Variants in FRMD5 observed in about 807,000 individuals in gnomAD.
FRMD5 encodes FERM domain-containing protein 5.
A neutral mutation model predicts 69.0 loss-of-function variants in FRMD5; 20 were observed. The ratio of observed to expected loss-of-function variants is 0.29; its 90% CI spans 0.20 to 0.42. FRMD5 has a LOEUF of 0.42. Ranked by LOEUF, FRMD5 falls within the 10% of genes least tolerant of loss-of-function variation. FRMD5 has a pLI of 1.00. For missense variants in FRMD5, 595 were observed against 708.6 expected (o/e 0.84, Z 1.82); for synonymous variants, 271 against 260.1 (o/e 1.04, Z -0.40).
At chr15:43,936,571 C>G (rs1212217626) in intron 1 of FRMD5, among the ~76,000 whole-genome samples, 2 of 152,128 alleles carry the variant, frequency 1.3e-5, no homozygotes, top group African/African-American at 4.8e-5. Flanking sequence ...GAGTCTTCAA[C>G]TCCTAATACC....
chr15:44,187,767 C>G (rs895252658), intron 1 of FRMD5, among the ~76,000 whole-genome samples: 1 of 152,068 alleles, frequency 6.6e-6, no homozygotes, highest in African/African-American at 2.4e-5. Flanking sequence ...CAAGGTCTTG[C>G]TATGTTGCCC....
At chr15:44,180,232 T>C (rs752904596) in intron 1 of FRMD5, among the ~76,000 whole-genome samples, 12 of 152,088 alleles carry the variant, frequency 7.9e-5, no homozygotes, top group Non-Finnish European at 1.8e-4. Flanking sequence ...TTTTATCTTA[T>C]AGATAAGATT....
intron 1 of FRMD5, among the ~76,000 whole-genome samples, chr15:43,947,211 C>G (rs2089961198): frequency 6.6e-6 from 1 of 152,184 alleles, no homozygotes; most frequent in African/African-American, 2.4e-5. Flanking sequence ...TTTTAGCCAG[C>G]ATTACACAGC....
intron 1 of FRMD5, among the ~76,000 whole-genome samples, chr15:44,003,538 C>T (rs1385478651): frequency 6.6e-6 from 1 of 152,154 alleles, no homozygotes; most frequent in African/African-American, 2.4e-5. Flanking sequence ...CTCCCTTCAT[C>T]ATCCTACTTT....
chr15:44,078,235 T>G (rs541696786), intron 1 of FRMD5, among the ~76,000 whole-genome samples: 2 of 152,282 alleles, frequency 1.3e-5, no homozygotes, highest in Non-Finnish European at 2.9e-5. Flanking sequence ...TTCTTTATCC[T>G]GTAATCTTTT....
chr15:44,184,481 GTACACA>G (rs2078065831), intron 1 of FRMD5, among the ~76,000 whole-genome samples: 1 of 152,132 alleles, frequency 6.6e-6, no homozygotes, highest in African/African-American at 2.4e-5. Context: ...TGAACTTAAA[GTACACA>G]TATCACATTA....
chr15:43,899,171 C>G (rs561237046), intron 7 of FRMD5, among the ~76,000 whole-genome samples: 4 of 152,216 alleles, frequency 2.6e-5, no homozygotes, highest in Non-Finnish European at 5.9e-5. Context: ...CTTGTAGCAG[C>G]ATTAAGGCGA....
intron 1 of FRMD5, among the ~76,000 whole-genome samples, chr15:44,059,441 T>C (rs1893001870): frequency 6.6e-6 from 1 of 152,230 alleles, no homozygotes; most frequent in South Asian, 2.1e-4. Context: ...ATATGCTGGA[T>C]AATAAATACA....
At chr15:44,150,754 G>A (rs1433552096) in intron 1 of FRMD5, among the ~76,000 whole-genome samples, 1 of 151,760 alleles carries the variant, frequency 6.6e-6, no homozygotes, top group African/African-American at 2.4e-5. Flanking sequence ...TCACACCACT[G>A]TACTTTAGCC....
chr15:44,011,846 C>T (rs1890735566), intron 1 of FRMD5, among the ~76,000 whole-genome samples: 1 of 152,130 alleles, frequency 6.6e-6, no homozygotes, highest in Admixed American at 6.5e-5. Context: ...ACAGAAAATG[C>T]TACCCAGAGG....
intron 1 of FRMD5, among the ~76,000 whole-genome samples, chr15:44,149,777 G>A (rs918630666): frequency 1.3e-5 from 2 of 152,050 alleles, no homozygotes; most frequent in Non-Finnish European, 2.9e-5. Flanking sequence ...ATGAAAGGAG[G>A]TAGAGACAGT....
intron 1 of FRMD5, among the ~76,000 whole-genome samples, chr15:44,032,045 C>T (rs1202341602): frequency 6.6e-6 from 1 of 152,120 alleles, no homozygotes; most frequent in East Asian, 1.9e-4. Context: ...AGGAATAAGG[C>T]TGCACATCTA....
chr15:44,038,799 C>T (rs904001438), intron 1 of FRMD5, among the ~76,000 whole-genome samples: 20 of 151,944 alleles, frequency 1.3e-4, no homozygotes, highest in Non-Finnish European at 2.2e-4. Context: ...AGAGACTGTA[C>T]CGGGAGGAAC....
chr15:44,001,215 T>C (rs1262941186), intron 1 of FRMD5, among the ~76,000 whole-genome samples: 1 of 152,226 alleles, frequency 6.6e-6, no homozygotes, highest in Non-Finnish European at 1.5e-5. Flanking sequence ...CTTGGAGAAA[T>C]GTCTATTCAG....
At chr15:44,188,790 G>A (rs772681565) in intron 1 of FRMD5, among the ~76,000 whole-genome samples, 1 of 152,074 alleles carries the variant, frequency 6.6e-6, no homozygotes, top group African/African-American at 2.4e-5. Context: ...ATTTTGAATG[G>A]TTTTTCTTGG....
At chr15:43,897,548 G>A (rs1410290079) in intron 7 of FRMD5, among the ~76,000 whole-genome samples, 1 of 151,302 alleles carries the variant, frequency 6.6e-6, no homozygotes, top group South Asian at 2.1e-4. Context: ...GGGGGATGGG[G>A]TTCTTCTTTA....
At chr15:43,944,744 C>T (rs1288640508) in intron 1 of FRMD5, among the ~76,000 whole-genome samples, 2 of 152,144 alleles carry the variant, frequency 1.3e-5, no homozygotes, top group East Asian at 1.9e-4. Flanking sequence ...CACCCGCTAC[C>T]GGCTGGGTTC....
intron 1 of FRMD5, among the ~76,000 whole-genome samples, chr15:44,140,589 C>T (rs1456902329): frequency 6.6e-6 from 1 of 151,744 alleles, no homozygotes; most frequent in Admixed American, 6.6e-5. Flanking sequence ...CATAAGAAAT[C>T]CAAGAAAGGC....
At chr15:43,996,593 T>C (rs1271883197) in intron 1 of FRMD5, among the ~76,000 whole-genome samples, 3 of 151,994 alleles carry the variant, frequency 2.0e-5, no homozygotes, top group African/African-American at 7.2e-5. Flanking sequence ...AGGTGATGAG[T>C]GCTATAAAGT....
Sources: allele counts gnomAD v4.1 joint callset (sites outside exome capture counted in the v4.1 genomes callset), GRCh38; gene constraint gnomAD v4.1.1; transcripts MANE v1.5; gene names NCBI Gene and HGNC (gene_info 2026-07-23, HGNC 2026-07-21).